The following CDCA4 variants were observed in gnomAD, a reference collection of about 807,000 sequenced individuals.
CDCA4 encodes cell division cycle associated 4.
For synonymous variants in CDCA4, 130 were observed against 137.0 expected, an observed-to-expected ratio of 0.95 and a Z score of 0.36; for missense variants, 294 against 322.1, an observed-to-expected ratio of 0.91 and a Z score of 0.67.
chr14:105,011,640 G>A lies in CDCA4; in HGVS notation c.290C>T (p.Ser97Phe), dbSNP rs746085586. 6.2e-7 allele frequency: 1 copy of A among 1,613,844 alleles called. No homozygotes were observed. The highest frequency in any genetic ancestry group is 1.1e-5 in the South Asian group (1 of 91,078). ...CGCTGCACGGCACAGGATCTCCGTG[G>A]AGACCAAGCGGTCGAGCGGCGCCCG... Reference protein sequence around the residue: ...AERAPLDRLVSTEILCRAAWG... With the variant: ...AERAPLDRLVFTEILCRAAWG... The change falls in exon 2 of 2, where the codon TCC (serine) becomes TTC (phenylalanine). Residue 97 changes from serine to phenylalanine, a missense_variant. Transcript: ENST00000336219.
chr14:105,017,356 G>T (rs921915313), intron 1 of CDCA4, among the ~76,000 whole-genome samples: 5 of 152,094 alleles, frequency 3.3e-5, no homozygotes, highest in African/African-American at 1.2e-4. Flanking sequence ...CCGAGTAGCT[G>T]GGATTATAGG....
At chr14:105,013,697 T>G (rs1345454188) in intron 1 of CDCA4, among the ~76,000 whole-genome samples, 1 of 152,132 alleles carries the variant, frequency 6.6e-6, no homozygotes, top group Non-Finnish European at 1.5e-5. Context: ...GGCTCCCACC[T>G]GCTGGTCCTA....
chr14:105,018,140 TTC>T (rs759634392), intron 1 of CDCA4, among the ~76,000 whole-genome samples: 2 of 150,406 alleles, frequency 1.3e-5, no homozygotes, highest in Non-Finnish European at 3.0e-5. Context: ...ATGATGGAGA[TTC>T]TCTCTCGCCC....
chr14:105,018,672 TA>T (rs1886146381), intron 1 of CDCA4, among the ~76,000 whole-genome samples: 1 of 151,872 alleles, frequency 6.6e-6, no homozygotes, highest in African/African-American at 2.4e-5. Flanking sequence ...TAACTCCTTC[TA>T]ATATGGAATG....
intron 1 of CDCA4, among the ~76,000 whole-genome samples, chr14:105,019,616 C>G (rs1457062820): frequency 6.6e-6 from 1 of 152,252 alleles, no homozygotes; most frequent in Admixed American, 6.5e-5. Flanking sequence ...GGAGCAAGGT[C>G]TGCAGTCTTG....
chr14:105,013,370 C>CT (rs1900556904), intron 1 of CDCA4, among the ~76,000 whole-genome samples: 1 of 152,232 alleles, frequency 6.6e-6, no homozygotes, highest in African/African-American at 2.4e-5. Flanking sequence ...CCGGCAGAGT[C>CT]TGACAGGACA....
At chr14:105,019,305 C>T (rs1478444310) in intron 1 of CDCA4, among the ~76,000 whole-genome samples, 1 of 152,182 alleles carries the variant, frequency 6.6e-6, no homozygotes, top group African/African-American at 2.4e-5. Context: ...GGAGCAGCCC[C>T]GCAGTGCTGC....
At chr14:105,019,718 T>TTTTG (rs1410060309) in intron 1 of CDCA4, among the ~76,000 whole-genome samples, 10 of 152,058 alleles carry the variant, frequency 6.6e-5, no homozygotes, top group African/African-American at 2.4e-4. Flanking sequence ...TATTTGGTTT[T>TTTTG]TTTTGTTTTT....
rs147965891 is a variant in CDCA4 at position 105,011,665 on chromosome 14, G to C, written c.265C>G (p.Arg89Gly). Residue 89 changes from arginine to glycine, a missense_variant, in exon 2 of 2, where the codon CGG becomes GGG. Arg to Gly is a moderately radical substitution (Grantham distance 125). Coordinates refer to ENST00000336219, the MANE Select transcript of CDCA4 (RefSeq NM_017955.4). ...WRTVAPQAAERAPLDRLVSTE... is the reference protein window; with the variant it reads ...WRTVAPQAAEGAPLDRLVSTE... ...GAGACCAAGCGGTCGAGCGGCGCCCGCTCTGCAGCCTGGGGTGCCACTGTG... is the reference window on the plus strand; with the variant it reads ...GAGACCAAGCGGTCGAGCGGCGCCCCCTCTGCAGCCTGGGGTGCCACTGTG... 6.2e-7 allele frequency: 1 copy of C among 1,613,566 alleles called. No individual in the cohort carries two copies. Among genetic ancestry groups the C allele is most frequent in the Non-Finnish European group, 8.5e-7 (1 of 1,180,012 alleles).
chr14:105,017,146 T>A (rs1323715477), intron 1 of CDCA4, among the ~76,000 whole-genome samples: 1 of 152,108 alleles, frequency 6.6e-6, no homozygotes, highest in Non-Finnish European at 1.5e-5. Flanking sequence ...CCAGCAGGTG[T>A]GAGCCTCCAG....
At chr14:105,013,204 T>TG (rs1900553241) in intron 1 of CDCA4, among the ~76,000 whole-genome samples, 3 of 150,340 alleles carry the variant, frequency 2.0e-5, no homozygotes, top group African/African-American at 2.5e-5. Context: ...CAAACTGTTT[T>TG]TTTTTTTTTT....
Position 105,011,172 on chromosome 14 carries a change from C to T in CDCA4, c.*32G>A, listed in dbSNP as rs989959277. The T allele has an allele frequency of 6.4e-7, 1 of 1,573,836 alleles. No individual in the cohort carries two copies. Among genetic ancestry groups the T allele is most frequent in the South Asian group, 1.2e-5 (1 of 84,258 alleles). On this transcript the variant is annotated 3_prime_UTR_variant, in exon 2 of 2. Coordinates refer to ENST00000336219, the MANE Select transcript of CDCA4 (RefSeq NM_017955.4). ...AGCCAGTGCTCACGTGTCAATGCGT[C>T]AGAGGCGGCTGTGAGCACTCAGGGC...
intron 1 of CDCA4, among the ~76,000 whole-genome samples, chr14:105,019,193 G>A (rs571927458): frequency 6.6e-6 from 1 of 152,148 alleles, no homozygotes; most frequent in Non-Finnish European, 1.5e-5. Flanking sequence ...GAAAAACGAA[G>A]AGGGCCAGAC....
At chr14:105,012,992 G>C (rs1900548012) in intron 1 of CDCA4, among the ~76,000 whole-genome samples, 1 of 152,258 alleles carries the variant, frequency 6.6e-6, no homozygotes, top group South Asian at 2.1e-4. Context: ...CCCAGAGCTG[G>C]CCAAGGCAGT....
chr14:105,020,722 G>A (rs562550537), intron 1 of CDCA4, among the ~76,000 whole-genome samples: 2 of 151,776 alleles, frequency 1.3e-5, no homozygotes, highest in South Asian at 4.2e-4. Context: ...CCTCGGCAAA[G>A]CCCCAGCTCC....
intron 1 of CDCA4, among the ~76,000 whole-genome samples, chr14:105,019,723 G>GT (rs1886177732): frequency 7.1e-5 from 9 of 126,158 alleles, no homozygotes; most frequent in African/African-American, 3.6e-4. Flanking sequence ...GGTTTTTTTT[G>GT]TTTTTTGAGA....
intron 1 of CDCA4, among the ~76,000 whole-genome samples, chr14:105,019,925 C>T (rs1038447481): frequency 5.3e-5 from 8 of 152,216 alleles, no homozygotes; most frequent in African/African-American, 1.9e-4. Flanking sequence ...CGTTGGCCAG[C>T]TAGTCTCGAA....
intron 1 of CDCA4, among the ~76,000 whole-genome samples, chr14:105,014,159 C>A (rs150370102): frequency 1.3e-5 from 2 of 152,148 alleles, no homozygotes; most frequent in Admixed American, 6.5e-5. Flanking sequence ...AAGGAACCTG[C>A]GCAGGGAGAT....
At chr14:105,020,797 G>A (rs1200525344) in intron 1 of CDCA4, among the ~76,000 whole-genome samples, 5 of 151,916 alleles carry the variant, frequency 3.3e-5, no homozygotes, top group Admixed American at 1.3e-4. Flanking sequence ...CTCAGCAGCG[G>A]CCACCCCGCG....
Sources: gnomAD v4.1 joint callset for allele counts (sites outside exome capture counted in the v4.1 genomes callset) on GRCh38, gnomAD v4.1.1 for gene constraint, MANE v1.5 for transcripts, NCBI Gene and HGNC (gene_info 2026-07-23, HGNC 2026-07-21) for gene names.